Variants in ARIH1 observed in about 807,000 individuals in gnomAD.
The protein encoded by ARIH1 is ariadne RBR E3 ubiquitin protein ligase 1, also known as E3 ubiquitin-protein ligase ARIH1.
ARIH1 carries 8 observed loss-of-function variants against 85.0 expected under a neutral mutation model. The ratio of observed to expected loss-of-function variants is 0.09; its 90% CI spans 0.06 to 0.17. The LOEUF (loss-of-function observed/expected upper bound fraction) is 0.17. ARIH1 is among the 10% of genes least tolerant of loss of function. The pLI, the probability that ARIH1 is intolerant of heterozygous loss-of-function variation, is 1.00. For missense variants in ARIH1, 311 were observed against 718.1 expected (o/e 0.43, Z 6.48); for synonymous variants, 238 against 253.6 (o/e 0.94, Z 0.59).
intron 1 of ARIH1, among the ~76,000 whole-genome samples, chr15:72,503,268 C>A (rs1367792405): frequency 6.6e-6 from 1 of 152,218 alleles, no homozygotes; most frequent in Non-Finnish European, 1.5e-5. Flanking sequence ...AGCAGAAATG[C>A]AGCATAGCAT....
rs891720035 is a variant in ARIH1 at position 72,594,309 on chromosome 15, A to G, written c.*11017A>G. ...CTCAGCCTTTTGAGTAGCTGGGATT[A>G]TAGGCACACACCATCATGCCTGGCT... On this transcript the variant is annotated 3_prime_UTR_variant, in exon 14 of 14. Coordinates refer to ENST00000379887, the MANE Select transcript of ARIH1 (RefSeq NM_005744.5). 1 of 151,716 alleles carries G rather than the reference A, an allele frequency of 6.6e-6. No homozygotes were observed. Among genetic ancestry groups the G allele is most frequent in the African/African-American group, 2.4e-5 (1 of 41,234 alleles). 9.4% of individuals were successfully genotyped at this position (151,716 alleles called of 1,614,324 possible).
At chr15:72,572,834 G>T (rs11637389) in intron 11 of ARIH1, among the ~76,000 whole-genome samples, 133,128 of 152,172 alleles carry the variant, frequency 0.87, 60,953 homozygotes, top group East Asian at 1. Context: ...ATCAAGAAGC[G>T]CTGATGATTA....
At chr15:72,547,892 T>C (rs2064136671) in intron 3 of ARIH1, among the ~76,000 whole-genome samples, 1 of 152,202 alleles carries the variant, frequency 6.6e-6, no homozygotes, top group Non-Finnish European at 1.5e-5. Flanking sequence ...CTTCCAAATA[T>C]CCACTATAAC....
At chr15:72,533,586 G>T (rs189615516) in intron 2 of ARIH1, among the ~76,000 whole-genome samples, 2 of 152,088 alleles carry the variant, frequency 1.3e-5, no homozygotes, top group Non-Finnish European at 2.9e-5. Context: ...CCGCTCTCAG[G>T]TATATATCCA....
intron 1 of ARIH1, among the ~76,000 whole-genome samples, chr15:72,477,268 C>G (rs1437918915): frequency 6.6e-6 from 1 of 152,152 alleles, no homozygotes; most frequent in Non-Finnish European, 1.5e-5. Context: ...CATTGCCCCT[C>G]TTTGGGATAT....
chr15:72,513,264 C>G (rs1567343547), intron 1 of ARIH1, among the ~76,000 whole-genome samples: 3 of 152,152 alleles, frequency 2.0e-5, no homozygotes, highest in Non-Finnish European at 4.4e-5. Flanking sequence ...AAATATTCTA[C>G]TTGATATATT....
chr15:72,532,267 T>C (rs2064060786), intron 2 of ARIH1, among the ~76,000 whole-genome samples: 1 of 151,490 alleles, frequency 6.6e-6, no homozygotes, highest in African/African-American at 2.4e-5. Context: ...AGAGTATCAC[T>C]AGGATCTTGT....
At position 72,488,220 on chromosome 15, in the gene ARIH1, T is replaced by A. The variant is rs184153286; in HGVS notation, c.375+13206T>A. 1.5e-3 allele frequency among the ~76,000 whole-genome samples: 228 copies of A among 152,022 alleles called. 3 individuals carry two copies. The Middle Eastern group carries it at 0.02, about 14-fold the overall frequency. ...CTGGCTAATTTTTTGTATTATTATTTTTATTTATTTATTTTTTGTTTGTTT... is the reference window on the plus strand; with the variant it reads ...CTGGCTAATTTTTTGTATTATTATTATTATTTATTTATTTTTTGTTTGTTT... On this transcript the variant is annotated intron_variant, in intron 1 of 13. Coordinates refer to ENST00000379887, the MANE Select transcript of ARIH1 (RefSeq NM_005744.5).
At chr15:72,520,648 A>G (rs1434868468) in intron 2 of ARIH1, among the ~76,000 whole-genome samples, 3 of 152,128 alleles carry the variant, frequency 2.0e-5, no homozygotes, top group Non-Finnish European at 4.4e-5. Context: ...TTTCAAATTT[A>G]TATATGTATT....
At chr15:72,567,993 G>A (rs2064228327) in intron 9 of ARIH1, among the ~76,000 whole-genome samples, 1 of 152,146 alleles carries the variant, frequency 6.6e-6, no homozygotes, top group South Asian at 2.1e-4. Context: ...GAAGGCCGAC[G>A]CAGGTTGTCT....
intron 11 of ARIH1, 28 bp downstream of exon 11, chr15:72,572,193 T>C: frequency 6.6e-7 from 1 of 1,505,518 alleles, no homozygotes; most frequent in Non-Finnish European, 9.1e-7. Context: ...AGGACAATAG[T>C]TGACTAAGAA....
At chr15:72,573,475 C>T (rs1460031532) in intron 11 of ARIH1, among the ~76,000 whole-genome samples, 3 of 152,052 alleles carry the variant, frequency 2.0e-5, no homozygotes, top group East Asian at 1.9e-4. Flanking sequence ...GCAAGAGAAT[C>T]GCTTGAACCC....
intron 1 of ARIH1, among the ~76,000 whole-genome samples, chr15:72,503,254 CAGT>C (rs1397410935): frequency 2.0e-5 from 3 of 152,194 alleles, no homozygotes; most frequent in Non-Finnish European, 4.4e-5. Flanking sequence ...ATTTTGCCAA[CAGT>C]AGCAGAAATG....
chr15:72,571,950 C>T (rs990314729), intron 10 of ARIH1, among the ~76,000 whole-genome samples, 158 bp from the exon 11 acceptor site: 2 of 152,114 alleles, frequency 1.3e-5, no homozygotes, highest in African/African-American at 4.8e-5. Context: ...GTCATTATAG[C>T]AGTAGAACCC....
intron 2 of ARIH1, among the ~76,000 whole-genome samples, chr15:72,522,242 C>T (rs940362492): frequency 6.6e-6 from 1 of 152,100 alleles, no homozygotes; most frequent in Non-Finnish European, 1.5e-5. Context: ...GGCTGCGCAC[C>T]ATGGCTCACA....
intron 1 of ARIH1, among the ~76,000 whole-genome samples, chr15:72,513,370 A>G (rs762542247): frequency 2.6e-5 from 4 of 152,044 alleles, no homozygotes; most frequent in Non-Finnish European, 5.9e-5. Context: ...TAAGGTAAAT[A>G]TTTTACCTTC....
At chr15:72,541,288 G>T (rs936824300) in intron 2 of ARIH1, among the ~76,000 whole-genome samples, 1 of 152,136 alleles carries the variant, frequency 6.6e-6, no homozygotes, top group African/African-American at 2.4e-5. Context: ...CTTCTCTCCC[G>T]ACACTCAGCT....
chr15:72,574,524 C>T, intron 11 of ARIH1, among the ~76,000 whole-genome samples: 1 of 152,152 alleles, frequency 6.6e-6, no homozygotes, highest in Non-Finnish European at 1.5e-5. Context: ...GACTGCCCTG[C>T]AAAAGATGTA....
chr15:72,506,266 C>T (rs373706260), intron 1 of ARIH1, among the ~76,000 whole-genome samples: 1 of 140,568 alleles, frequency 7.1e-6, no homozygotes, highest in Non-Finnish European at 1.5e-5. Flanking sequence ...AGGGGAATGG[C>T]GTGCACCCGG....
Sources: allele counts gnomAD v4.1 joint callset (sites outside exome capture counted in the v4.1 genomes callset), GRCh38; gene constraint gnomAD v4.1.1; transcripts MANE v1.5; gene names NCBI Gene and HGNC (gene_info 2026-07-23, HGNC 2026-07-21).